The following MALT1 variants were observed in gnomAD, a reference collection of about 807,000 sequenced individuals.
MALT1 encodes MALT1 paracaspase.
Under a neutral mutation model 85.5 loss-of-function variants are expected in MALT1, and 36 were observed. That is an observed-to-expected ratio of 0.42 (90% CI 0.32 to 0.56). The LOEUF (loss-of-function observed/expected upper bound fraction) is 0.56, where lower values mean the gene tolerates loss of function less well. Ranked by LOEUF, MALT1 falls within the 20% of genes least tolerant of loss-of-function variation. The pLI, the probability that MALT1 is intolerant of heterozygous loss-of-function variation, is 0.10. For missense variants in MALT1, 716 were observed against 981.6 expected (o/e 0.73, Z 3.62); for synonymous variants, 359 against 361.3 (o/e 0.99, Z 0.07).
intron 15 of MALT1, among the ~76,000 whole-genome samples, chr18:58,744,990 A>G (rs2055347986): frequency 6.6e-6 from 1 of 152,212 alleles, no homozygotes. Context: ...CTGAGAAGCA[A>G]GCAAGGAGTA....
chr18:58,713,203 G>GTA (rs2054855304), intron 7 of MALT1, among the ~76,000 whole-genome samples: 1 of 151,936 alleles, frequency 6.6e-6, no homozygotes, highest in African/African-American at 2.4e-5. Context: ...AGTATGAATA[G>GTA]TATATAACAT....
intron 2 of MALT1, among the ~76,000 whole-genome samples, chr18:58,686,069 C>T (rs573626882): frequency 4.6e-5 from 7 of 152,118 alleles, no homozygotes; most frequent in African/African-American, 1.7e-4. Context: ...ACTCTGTCAC[C>T]CAGGCTGGAG....
At chr18:58,745,868 A>C in intron 16 of MALT1, 77 bp downstream of exon 16, 1 of 1,301,990 alleles carries the variant, frequency 7.7e-7, no homozygotes, top group Non-Finnish European at 1.1e-6. Context: ...TAGACCATAG[A>C]TATGCTGCCT....
At chr18:58,742,655 G>C (rs1246392307) in intron 14 of MALT1, among the ~76,000 whole-genome samples, 1 of 152,224 alleles carries the variant, frequency 6.6e-6, no homozygotes, top group Non-Finnish European at 1.5e-5. Context: ...TTGCAGTGCA[G>C]TGAGCAGAGA....
At chr18:58,732,700 G>A (rs908739919) in intron 10 of MALT1, among the ~76,000 whole-genome samples, 2 of 150,652 alleles carry the variant, frequency 1.3e-5, no homozygotes, top group African/African-American at 4.9e-5. Flanking sequence ...GACTATCTCT[G>A]CCCTAACAGA....
In MALT1 at chr18:58,733,467, A is replaced by G. The variant is rs1357458047; in HGVS notation, c.1293A>G (p.Pro431=). Reference sequence around the variant, plus strand: ...GCTTCATGGTCCCCGTTGATGCTCCAAATCCATATAGGTCTGAAAATTGTC... The same window carrying G: ...GCTTCATGGTCCCCGTTGATGCTCCGAATCCATATAGGTCTGAAAATTGTC... ...GNSFMVPVDA[P]NPYRSENCLC... is the part of the protein sequence containing the mutation. Residue 431 remains proline, a synonymous_variant, in exon 11 of 17, where the codon CCA becomes CCG. Coordinates refer to ENST00000649217, the MANE Select transcript of MALT1 (RefSeq NM_006785.4). The G allele has an allele frequency of 5.4e-5, 87 of 1,613,542 alleles. No homozygotes were observed. Among genetic ancestry groups the G allele is most frequent in the Non-Finnish European group, 7.1e-5 (84 of 1,179,616 alleles).
intron 13 of MALT1, among the ~76,000 whole-genome samples, chr18:58,739,841 A>G (rs2055278059): frequency 6.6e-6 from 1 of 152,202 alleles, no homozygotes; most frequent in Non-Finnish European, 1.5e-5. Flanking sequence ...GTGTACGTGT[A>G]CACATGCGCC....
intron 10 of MALT1, among the ~76,000 whole-genome samples, chr18:58,733,146 A>G (rs2055175860): frequency 6.6e-6 from 1 of 152,156 alleles, no homozygotes; most frequent in Non-Finnish European, 1.5e-5. Context: ...CCTGACCTCA[A>G]GTGATCTGCC....
chr18:58,730,404 C>G (rs945146281), intron 10 of MALT1, among the ~76,000 whole-genome samples: 1 of 152,196 alleles, frequency 6.6e-6, no homozygotes, highest in Non-Finnish European at 1.5e-5. Context: ...TGGAATCACC[C>G]AATATGTGGC....
chr18:58,720,322 C>A, intron 9 of MALT1, among the ~76,000 whole-genome samples: 1 of 152,192 alleles, frequency 6.6e-6, no homozygotes, highest in East Asian at 1.9e-4. Context: ...GTTCGTTTCT[C>A]TGTCGTGTCC....
chr18:58,731,951 G>A (rs894021022), intron 10 of MALT1, among the ~76,000 whole-genome samples: 1 of 152,002 alleles, frequency 6.6e-6, no homozygotes, highest in East Asian at 1.9e-4. Context: ...TCTCATTTTA[G>A]CTGAAACGTA....
At position 58,710,134 on chromosome 18, in the gene MALT1, A is replaced by C; in HGVS notation, c.925+62A>C. ...TATAATATAAGCTATATAAACTGCAACGTTTAATTAAGCAAAGGAAATTAT... is the reference window on the plus strand; with the variant it reads ...TATAATATAAGCTATATAAACTGCACCGTTTAATTAAGCAAAGGAAATTAT... On this transcript the variant is annotated intron_variant, in intron 6 of 16. Transcript: ENST00000649217. 5.2e-6 allele frequency: 5 copies of C among 957,754 alleles called. 1 individual carries two copies. In the South Asian group the frequency reaches 7.4e-5, roughly 14 times the overall value. The allele number at this position is 957,754 out of a possible 1,614,324, so 59.3% of individuals were successfully genotyped here.
rs78569124 is a variant in MALT1, at chr18:58,743,393, C to A, written c.1754-945C>A. 7.8e-3 allele frequency among the ~76,000 whole-genome samples: 1,184 copies of A among 152,230 alleles called. 25 individuals carry two copies. Among genetic ancestry groups the A allele is most frequent in the African/African-American group, 0.028 (1,147 of 41,546 alleles). On this transcript the variant is annotated intron_variant, in intron 14 of 16. Coordinates refer to ENST00000649217, the MANE Select transcript of MALT1 (RefSeq NM_006785.4). ...CTCAGTCTCAAAAAAAGAATTTATT[C>A]TCTAATACATATTTTTAGTAAATTA... is the stretch of plus-strand genomic sequence containing the variant.
intron 2 of MALT1, among the ~76,000 whole-genome samples, chr18:58,683,169 G>C (rs1357681959): frequency 1.3e-5 from 2 of 152,160 alleles, no homozygotes; most frequent in African/African-American, 4.8e-5. Flanking sequence ...TACTGTTAAA[G>C]TCCAAGTTCT....
chr18:58,738,788 TC>T (rs74702254), intron 13 of MALT1, among the ~76,000 whole-genome samples: 7,173 of 120,650 alleles, frequency 0.059, 200 homozygotes, highest in East Asian at 0.1. Flanking sequence ...TGTGCATTCT[TC>T]TGTGTGTGTG....
chr18:58,737,170 A>T (rs1267701969), intron 13 of MALT1, among the ~76,000 whole-genome samples: 1 of 151,978 alleles, frequency 6.6e-6, no homozygotes, highest in Non-Finnish European at 1.5e-5. Flanking sequence ...GCAAGACCCC[A>T]TCTCAATTTA....
chr18:58,686,145 G>T (rs1602281306), intron 2 of MALT1, among the ~76,000 whole-genome samples: 2 of 152,236 alleles, frequency 1.3e-5, no homozygotes, highest in South Asian at 4.1e-4. Flanking sequence ...TTCTGCCTCA[G>T]TCTCCTGAGT....
At chr18:58,736,682 A>C (rs113089326) in intron 13 of MALT1, among the ~76,000 whole-genome samples, 1 of 152,214 alleles carries the variant, frequency 6.6e-6, no homozygotes, top group Non-Finnish European at 1.5e-5. Flanking sequence ...AACTTCTTAT[A>C]AACATCTTAG....
intron 7 of MALT1, among the ~76,000 whole-genome samples, chr18:58,713,475 C>A (rs1028312136): frequency 1.2e-4 from 18 of 152,004 alleles, no homozygotes; most frequent in African/African-American, 4.1e-4. Flanking sequence ...CCGTCAGTGT[C>A]ATCACAGACA....
Sources: gnomAD v4.1 joint callset for allele counts (sites outside exome capture counted in the v4.1 genomes callset) on GRCh38, gnomAD v4.1.1 for gene constraint, MANE v1.5 for transcripts, NCBI Gene and HGNC (gene_info 2026-07-23, HGNC 2026-07-21) for gene names.